SNRPN: variants seen among roughly 807,000 people sequenced by gnomAD.
SNRPN encodes the protein small nuclear ribonucleoprotein-associated protein N.
Under a neutral mutation model 25.2 loss-of-function variants are expected in SNRPN, and 7 were observed. The observed-to-expected ratio is 0.28, with a 90% CI of 0.16 to 0.52. SNRPN has a LOEUF of 0.52. SNRPN is among the 20% of genes least tolerant of loss of function. The probability of loss-of-function intolerance (pLI) is 0.96; values close to 1 mark genes in which losing one functional copy is unlikely to be tolerated. For synonymous variants in SNRPN, 124 were observed against 110.6 expected (o/e 1.12, Z -0.76); for missense variants, 196 against 322.5 (o/e 0.61, Z 3.00).
chr15:24,827,515 C>CA (rs58393593), intron 1 of SNRPN, among the ~76,000 whole-genome samples: 3,072 of 96,698 alleles, frequency 0.032, 147 homozygotes, highest in African/African-American at 0.11. Flanking sequence ...GACTCTGTCT[C>CA]AAAAAAAAAA....
chr15:24,897,822 T>C (rs531928912), intron 2 of SNRPN, among the ~76,000 whole-genome samples: 1 of 152,306 alleles, frequency 6.6e-6, no homozygotes, highest in Admixed American at 6.5e-5. Context: ...TCCTCCATGA[T>C]GGTGAGGGCT....
chr15:24,897,746 GA>G (rs2058167962), intron 2 of SNRPN, among the ~76,000 whole-genome samples: 1 of 152,130 alleles, frequency 6.6e-6, no homozygotes, highest in African/African-American at 2.4e-5. Flanking sequence ...TTATAAATGG[GA>G]GTTCCCCTGC....
At chr15:24,932,753 G>A (rs1352064653) in intron 3 of SNRPN, among the ~76,000 whole-genome samples, 2 of 151,968 alleles carry the variant, frequency 1.3e-5, no homozygotes, top group African/African-American at 2.4e-5. Flanking sequence ...AGGTTCAAGT[G>A]GTTCTCTTGC....
intron 1 of SNRPN, among the ~76,000 whole-genome samples, chr15:24,862,075 C>T (rs12906707): frequency 0.27 from 41,349 of 150,606 alleles, 7,062 homozygotes; most frequent in Non-Finnish European, 0.37. Flanking sequence ...GAAATGACAG[C>T]GGGTTGCAGC....
chr15:24,851,989 A>G (rs1017709298), upstream of SNRPN: 1 of 152,234 alleles, frequency 6.6e-6, no homozygotes, highest in Non-Finnish European at 1.5e-5. Flanking sequence ...TTTACATTAT[A>G]TCATAGAAAA....
chr15:24,956,091 G>A (rs1193674088), intron 1 of SNRPN, among the ~76,000 whole-genome samples: 2 of 152,096 alleles, frequency 1.3e-5, no homozygotes, highest in African/African-American at 2.4e-5. Flanking sequence ...GAATCCTTGC[G>A]TACCCTTTAG....
chr15:24,939,964 AT>A (rs1566934600), intron 3 of SNRPN, among the ~76,000 whole-genome samples: 1 of 151,652 alleles, frequency 6.6e-6, no homozygotes, highest in South Asian at 2.1e-4. Flanking sequence ...TAATTTTTGT[AT>A]TTTTATTAGA....
At chr15:24,828,472 G>A (rs920679270) in intron 1 of SNRPN, among the ~76,000 whole-genome samples, 9 of 152,158 alleles carry the variant, frequency 5.9e-5, no homozygotes, top group African/African-American at 9.7e-5. Context: ...GCTTGAACCC[G>A]GGAGGCGGAG....
At chr15:24,909,485 A>T in intron 2 of SNRPN, 1 of 1,569,608 alleles carries the variant, frequency 6.4e-7, no homozygotes, top group Non-Finnish European at 8.7e-7. Context: ...GTCCATGCCA[A>T]ACCTACTGAG....
intron 8 of SNRPN, 121 bp downstream of exon 8, chr15:24,978,037 GT>G: frequency 8.2e-7 from 1 of 1,217,152 alleles, no homozygotes; most frequent in Non-Finnish European, 1.2e-6. Flanking sequence ...CTAGATACTG[GT>G]TTTTAATGAA....
intron 1 of SNRPN, among the ~76,000 whole-genome samples, chr15:24,877,100 TACAG>T (rs2055977669): frequency 1.3e-5 from 2 of 152,174 alleles, no homozygotes; most frequent in Non-Finnish European, 2.9e-5. Flanking sequence ...TCAGATTCTG[TACAG>T]ACAAAGGAAA....
intron 1 of SNRPN, among the ~76,000 whole-genome samples, 194 bp downstream of exon 1, chr15:24,955,256 G>A (rs2062645848): frequency 6.6e-6 from 1 of 152,112 alleles, no homozygotes; most frequent in Non-Finnish European, 1.5e-5. Context: ...ATGGTATCCT[G>A]TCCGCTCGCA....
chr15:24,894,131 C>T (rs1855757712), intron 2 of SNRPN, among the ~76,000 whole-genome samples: 1 of 152,200 alleles, frequency 6.6e-6, no homozygotes, highest in Admixed American at 6.5e-5. Context: ...TGTATTCCCA[C>T]AGCCCCCCAA....
chr15:24,888,707 T>C (rs997318395), intron 2 of SNRPN, among the ~76,000 whole-genome samples: 3 of 152,150 alleles, frequency 2.0e-5, no homozygotes, highest in African/African-American at 7.2e-5. Flanking sequence ...TAGTCAACCA[T>C]GCTACCCCTC....
intron 1 of SNRPN, among the ~76,000 whole-genome samples, chr15:24,961,079 T>G (rs1048826456): frequency 2.6e-5 from 4 of 152,246 alleles, no homozygotes; most frequent in Non-Finnish European, 5.9e-5. Context: ...AACTTTATTT[T>G]TTGATGAAGT....
chr15:24,823,670 T>G (rs978056083), exon 1 of SNRPN: 2 of 152,264 alleles, frequency 1.3e-5, no homozygotes, highest in African/African-American at 4.8e-5. Context: ...CCGCAGCCAC[T>G]GTAGCTGAGC....
At chr15:24,882,936 A>C (rs2056862153) in intron 1 of SNRPN, among the ~76,000 whole-genome samples, 2 of 152,016 alleles carry the variant, frequency 1.3e-5, no homozygotes, top group Non-Finnish European at 2.9e-5. Flanking sequence ...CAAAACACTT[A>C]CATTAGCCTA....
intron 1 of SNRPN, among the ~76,000 whole-genome samples, chr15:24,869,794 A>G (rs2054914767): frequency 6.6e-6 from 1 of 152,156 alleles, no homozygotes; most frequent in East Asian, 1.9e-4. Flanking sequence ...CTTTTTGAAA[A>G]TAAGTCAGCA....
In SNRPN at chr15:24,866,279, G is replaced by A. The variant is rs188911962; in HGVS notation, c.-579+9563G>A. Among the ~76,000 whole-genome samples the A allele has an allele frequency of 3.7e-4, 57 of 152,172 alleles. No homozygotes were observed. The East Asian group carries it at 5.0e-3, about 13-fold the overall frequency. On this transcript the variant is annotated intron_variant, in intron 1 of 11. Coordinates refer to the SNRPN transcript ENST00000400097. ...AGATAAAATGAGATGTATGTACTAT[G>A]TATAACATGAGGTTTGAATAATAAT... is the stretch of plus-strand genomic sequence containing the variant.
Sources: allele counts gnomAD v4.1 joint callset (sites outside exome capture counted in the v4.1 genomes callset), GRCh38; gene constraint gnomAD v4.1.1; transcripts MANE v1.5; gene names NCBI Gene and HGNC (gene_info 2026-07-23, HGNC 2026-07-21).